Variants in ARFGEF2 observed in about 807,000 individuals in gnomAD.
ARFGEF2 encodes the protein ARF guanine nucleotide exchange factor 2, also known as brefeldin A-inhibited guanine nucleotide-exchange protein 2.
ARFGEF2 carries 74 observed loss-of-function variants against 219.9 expected under a neutral mutation model. That is an observed-to-expected ratio of 0.34 (90% CI 0.28 to 0.41). The LOEUF (loss-of-function observed/expected upper bound fraction) is 0.41. Among genes scored for constraint, ARFGEF2 ranks in the 10% least tolerant of loss-of-function variants. The pLI is 1.00. For missense variants in ARFGEF2, 1,743 were observed against 2,218.3 expected, an observed-to-expected ratio of 0.79 and a Z score of 4.30; for synonymous variants, 733 against 799.2, an observed-to-expected ratio of 0.92 and a Z score of 1.40.
At chr20:48,960,584 A>C (rs992581590) in intron 6 of ARFGEF2, among the ~76,000 whole-genome samples, 3 of 151,814 alleles carry the variant, frequency 2.0e-5, no homozygotes, top group African/African-American at 7.3e-5. Context: ...CCCAGGTTCA[A>C]GTGATTCTCC....
intron 28 of ARFGEF2, among the ~76,000 whole-genome samples, chr20:49,012,494 G>A (rs1039946108): frequency 1.1e-4 from 10 of 94,664 alleles, no homozygotes; most frequent in Admixed American, 1.0e-3. Context: ...AAATGATGGG[G>A]TTTTTGTTTG....
chr20:48,988,437 T>G, intron 17 of ARFGEF2, 49 bp downstream of exon 17: 1 of 1,611,272 alleles, frequency 6.2e-7, no homozygotes, highest in Non-Finnish European at 8.5e-7. Context: ...ATAAGTGGCT[T>G]TACTTGGGCA....
intron 7 of ARFGEF2, 100 bp from the exon 8 acceptor site, chr20:48,965,772 A>C: frequency 1.1e-5 from 15 of 1,404,562 alleles, no homozygotes; most frequent in Non-Finnish European, 1.5e-5. Flanking sequence ...GGAAAAAGCA[A>C]CAGCTGGGAG....
At chr20:48,981,582 A>G (rs6012574) in intron 14 of ARFGEF2, among the ~76,000 whole-genome samples, 37,174 of 152,152 alleles carry the variant, frequency 0.24, 5,191 homozygotes, top group East Asian at 0.47. Flanking sequence ...GTGTTTTCCA[A>G]CTTGGTTCCA....
At chr20:49,021,258 T>C in intron 34 of ARFGEF2, among the ~76,000 whole-genome samples, 1 of 151,834 alleles carries the variant, frequency 6.6e-6, no homozygotes, top group African/African-American at 2.4e-5. Context: ...AAAAATTTTT[T>C]TTTTAATGAA....
chr20:48,971,204 C>A lies in ARFGEF2; in HGVS notation c.1275C>A (p.His425Gln), dbSNP rs117131028. The stretch of plus-strand genomic sequence containing the variant: ...ATGCTGGCCCCGTATTCAGGACTCA[C>A]GAGATGTTCATCAATGCAATCAAGC... ...LQNAGPVFRT[H>Q]EMFINAIKQY... The change falls in exon 10 of 39, where the codon CAC becomes CAA. Residue 425 changes from histidine (H) to glutamine (Q), a missense_variant. Physicochemically the swap from His to Gln is conservative, Grantham distance 24. This residue lies in a region of ARFGEF2 where 666 missense variants were observed against 955.4 expected (regional missense o/e 0.70). Coordinates refer to ENST00000371917, the MANE Select transcript of ARFGEF2 (RefSeq NM_006420.3). 6.2e-7 allele frequency: 1 copy of A among 1,614,158 alleles called. No individual in the cohort carries two copies. The highest frequency in any genetic ancestry group is 8.5e-7 in the Non-Finnish European group (1 of 1,180,042).
At chr20:48,939,599 T>C (rs1380688572) in intron 1 of ARFGEF2, among the ~76,000 whole-genome samples, 1 of 152,170 alleles carries the variant, frequency 6.6e-6, no homozygotes, top group African/African-American at 2.4e-5. Flanking sequence ...TGGTGAATTC[T>C]TTTCCCTGAG....
In ARFGEF2 at chr20:48,952,705, G is replaced by C. The variant is rs2036902242; in HGVS notation, c.424G>C (p.Ala142Pro). ...DEGVQLQIIK[A>P]LLTAVTSPHI... is the part of the protein sequence containing the mutation. ...TGAAGGTCGCGGATTTCTATTTTAGGCTCTTCTGACTGCAGTGACTTCCCC... is the reference window on the plus strand; with the variant it reads ...TGAAGGTCGCGGATTTCTATTTTAGCCTCTTCTGACTGCAGTGACTTCCCC... Residue 142 changes from alanine (A) to proline (P), a missense_variant and splice_region_variant, in exon 5 of 39, where the codon GCT becomes CCT. This residue lies in a region of ARFGEF2 where 394 missense variants were observed against 426.6 expected (regional missense o/e 0.92). Transcript: ENST00000371917. 1.2e-6 allele frequency: 2 copies of C among 1,614,042 alleles called. No homozygotes were observed. The highest frequency in any genetic ancestry group is 1.7e-6 in the Non-Finnish European group (2 of 1,180,036).
chr20:48,967,318 T>G (rs980410212), intron 8 of ARFGEF2, among the ~76,000 whole-genome samples: 2 of 152,266 alleles, frequency 1.3e-5, no homozygotes, highest in African/African-American at 4.8e-5. Flanking sequence ...AAATTCTGTA[T>G]GGATCACTGT....
In ARFGEF2 at chr20:48,989,242, C is replaced by G. The variant is rs368309526; in HGVS notation, c.2534-43C>G. On this transcript the variant is annotated intron_variant, in intron 18 of 38. Transcript: ENST00000371917. ...AACAGTGTATGGCATGTAGCCAGCC[C>G]TCAGTGACTGCTAGCCACACCTATC... 1.1e-4 allele frequency: 183 copies of G among 1,611,384 alleles called. No homozygotes were observed. In the African/African-American group the frequency reaches 2.2e-3, roughly 20 times the overall value.
Position 49,025,484 on chromosome 20 carries a change from A to C in ARFGEF2, c.4924+3A>C. ...GCGGACTGTCCTGTGGCGAGCAGGT[A>C]AGGCCACACAGCAGATAAGATAGAT... On this transcript the variant is annotated splice_donor_region_variant and intron_variant, in intron 36 of 38. Transcript: ENST00000371917. The C allele has an allele frequency of 1.2e-6, 2 of 1,613,902 alleles. No individual in the cohort carries two copies. The highest frequency in any genetic ancestry group is 1.7e-6 in the Non-Finnish European group (2 of 1,179,954).
chr20:48,928,380 A>G (rs2090891697), intron 1 of ARFGEF2, among the ~76,000 whole-genome samples: 1 of 145,050 alleles, frequency 6.9e-6, no homozygotes. Context: ...TTGTATTTTT[A>G]GTAGAGACGG....
rs1489873606 is a variant in ARFGEF2 at position 49,019,072 on chromosome 20, G to C, written c.4624+74G>C. 7.9e-6 allele frequency: 10 copies of C among 1,269,956 alleles called. No individual in the cohort carries two copies. In the South Asian group the frequency reaches 1.1e-4, roughly 15 times the overall value. 78.7% of individuals were successfully genotyped at this position (1,269,956 alleles called of 1,614,324 possible). On this transcript the variant is annotated intron_variant, in intron 34 of 38. Coordinates refer to ENST00000371917, the MANE Select transcript of ARFGEF2 (RefSeq NM_006420.3). ...TTCATATATTCAGAAGGCACAAAAGGGTAAACATGATAAGCCTTCTTCTGC... is the reference window on the plus strand; with the variant it reads ...TTCATATATTCAGAAGGCACAAAAGCGTAAACATGATAAGCCTTCTTCTGC...
At chr20:49,008,373 G>A (rs2091476243) in intron 26 of ARFGEF2, among the ~76,000 whole-genome samples, 1 of 151,792 alleles carries the variant, frequency 6.6e-6, no homozygotes, top group Non-Finnish European at 1.5e-5. Context: ...GACCAGCCTG[G>A]CCAACATGCT....
intron 8 of ARFGEF2, 112 bp downstream of exon 8, chr20:48,966,135 T>G: frequency 1.5e-6 from 2 of 1,324,428 alleles, no homozygotes; most frequent in Non-Finnish European, 2.1e-6. Context: ...CCCTGTTCCT[T>G]TATTAGTCAC....
chr20:48,953,439 G>C (rs1009321877), intron 5 of ARFGEF2, 117 bp from the exon 6 acceptor site: 3 of 944,362 alleles, frequency 3.2e-6, no homozygotes, highest in African/African-American at 3.2e-5. Context: ...GCCTTCCAAA[G>C]TGCTGAAATT....
intron 7 of ARFGEF2, among the ~76,000 whole-genome samples, chr20:48,965,335 T>G (rs1203398088): frequency 6.6e-6 from 1 of 152,260 alleles, no homozygotes; most frequent in Non-Finnish European, 1.5e-5. Flanking sequence ...AAATTTTTCT[T>G]AGAGTTTCAT....
intron 1 of ARFGEF2, among the ~76,000 whole-genome samples, chr20:48,937,947 G>A (rs187660823): frequency 6.6e-6 from 1 of 152,320 alleles, no homozygotes; most frequent in East Asian, 1.9e-4. Context: ...AACCGTGGTT[G>A]TAGCTTTCAT....
intron 8 of ARFGEF2, 138 bp downstream of exon 8, chr20:48,966,161 T>C: frequency 9.5e-7 from 1 of 1,047,344 alleles, no homozygotes; most frequent in South Asian, 1.4e-5. Context: ...CCTGGGCTGA[T>C]ATTCTTTGTA....
Sources: gnomAD v4.1 joint callset for allele counts (sites outside exome capture counted in the v4.1 genomes callset) on GRCh38, gnomAD v4.1.1 for gene constraint, gnomAD v4.1.1 regional missense constraint, MANE v1.5 for transcripts, NCBI Gene and HGNC (gene_info 2026-07-23, HGNC 2026-07-21) for gene names.